The following USP54 variants were observed in gnomAD, a reference collection of about 807,000 sequenced individuals.
USP54 encodes the protein ubiquitin specific peptidase 54.
In USP54, 87 loss-of-function variants were observed where a neutral mutation model predicts 170.5. The ratio of observed to expected loss-of-function variants is 0.51; its 90% CI spans 0.43 to 0.61. The LOEUF (loss-of-function observed/expected upper bound fraction) is 0.61. Among genes scored for constraint, USP54 ranks in the 20% least tolerant of loss-of-function variants. The probability of loss-of-function intolerance (pLI) is 0.00; values close to 1 mark genes in which losing one functional copy is unlikely to be tolerated. For missense variants in USP54, 1,786 were observed against 2,047.8 expected, an observed-to-expected ratio of 0.87 and a Z score of 2.47; for synonymous variants, 655 against 742.8, an observed-to-expected ratio of 0.88 and a Z score of 1.92.
In USP54 at chr10:73,523,605, G is replaced by A. The variant is rs761440120; in HGVS notation, c.2340C>T (p.Asp780=). The A allele has an allele frequency of 6.2e-7, 1 of 1,608,072 alleles. No individual in the cohort carries two copies. Among genetic ancestry groups the A allele is most frequent in the South Asian group, 1.1e-5 (1 of 90,254 alleles). Residue 780 remains aspartate, a synonymous_variant, in exon 17 of 24, where the codon GAC becomes GAT. Coordinates refer to ENST00000687698, the MANE Select transcript of USP54 (RefSeq NM_001391956.1). ...TACCCTGATTCTGCAGTTCATCCAA[G>A]TCCATGAAGCGGCTAGGATGAGGGT... ...GFNPHPSRFM[D]LDELQNQGRS...
chr10:73,535,742 C>T (rs978082488), intron 11 of USP54, among the ~76,000 whole-genome samples: 3 of 152,146 alleles, frequency 2.0e-5, no homozygotes, highest in Admixed American at 6.6e-5. Flanking sequence ...CAGAGTCTTG[C>T]TATTTTGCCC....
intron 1 of USP54, among the ~76,000 whole-genome samples, chr10:73,624,194 A>G (rs1263640152): frequency 1.9e-5 from 2 of 106,204 alleles, no homozygotes; most frequent in African/African-American, 7.6e-5. Flanking sequence ...ATATATATAT[A>G]TGTATTTTTT....
In USP54 at chr10:73,517,674, C is replaced by A; in HGVS notation, c.2752G>T (p.Gly918Trp). 1 of 1,614,194 alleles carries A rather than the reference C, an allele frequency of 6.2e-7. No individual in the cohort carries two copies. The highest frequency in any genetic ancestry group is 2.2e-5 in the East Asian group (1 of 44,886). Reference sequence around the variant, plus strand: ...GGTGAATGGAAGAAAGAACTGGCCCCAAACTCTGTATCCATGCCGGATTCC... The same window carrying A: ...GGTGAATGGAAGAAAGAACTGGCCCAAAACTCTGTATCCATGCCGGATTCC... ...QLESGMDTEFGASSFFHSPAS... is the reference protein window; with the variant it reads ...QLESGMDTEFWASSFFHSPAS... The change falls in exon 20 of 24, where the codon GGG becomes TGG. Residue 918 changes from glycine to tryptophan, a missense_variant. Physicochemically the swap from Gly to Trp is radical, Grantham distance 184. Around this residue, in one of 3 missense-constraint regions of USP54, gnomAD observed 1,418 missense variants for 1,569.0 expected, o/e 0.90. Transcript: ENST00000687698.
intron 1 of USP54, among the ~76,000 whole-genome samples, chr10:73,590,997 A>G (rs950269366): frequency 2.0e-5 from 3 of 149,484 alleles, no homozygotes; most frequent in Non-Finnish European, 4.4e-5. Flanking sequence ...AAGAAAATCT[A>G]TGAATTTTTT....
intron 4 of USP54, 53 bp downstream of exon 4, chr10:73,571,368 T>C: frequency 6.8e-7 from 1 of 1,460,290 alleles, no homozygotes; most frequent in Non-Finnish European, 9.6e-7. Flanking sequence ...ACCTTGATAT[T>C]GACCATTTGG....
intron 22 of USP54, 58 bp from the exon 23 acceptor site, chr10:73,500,896 T>A: frequency 6.5e-7 from 1 of 1,538,928 alleles, no homozygotes; most frequent in Non-Finnish European, 8.7e-7. Context: ...AAGCAGGATG[T>A]AGTTGGGTAA....
At chr10:73,608,221 C>T (rs1589396466) in intron 1 of USP54, among the ~76,000 whole-genome samples, 1 of 151,902 alleles carries the variant, frequency 6.6e-6, no homozygotes, top group East Asian at 1.9e-4. Context: ...GTTCATGACA[C>T]CGCACTCCAG....
chr10:73,558,015 TG>T (rs894145361), intron 4 of USP54, among the ~76,000 whole-genome samples: 2 of 151,114 alleles, frequency 1.3e-5, no homozygotes, highest in Non-Finnish European at 2.9e-5. Context: ...CCTGAGTAGC[TG>T]GAACTACAGG....
rs1466103199 is a variant in USP54, at chr10:73,500,718, G to A, written c.4432C>T (p.Pro1478Ser). 2.5e-6 allele frequency: 4 copies of A among 1,607,578 alleles called. No homozygotes were observed. In the South Asian group the frequency reaches 4.4e-5, roughly 18 times the overall value. Residue 1478 changes from proline (P) to serine (S), a missense_variant, in exon 23 of 24, where the codon CCA (proline) becomes TCA (serine). Around this residue, in one of 3 missense-constraint regions of USP54, gnomAD observed 1,418 missense variants for 1,569.0 expected, o/e 0.90. Transcript: ENST00000687698. ...LLGPQLYLPQPQFLSPDVLMP... is the reference protein window; with the variant it reads ...LLGPQLYLPQSQFLSPDVLMP... ...AGGACATCTGGGGACAGGAACTGTG[G>A]TTGGGGAAGGTAGAGTTGGGGACCG...
At chr10:73,545,492 C>T (rs1197857063) in intron 5 of USP54, 46 bp downstream of exon 5, 3 of 1,604,590 alleles carry the variant, frequency 1.9e-6, no homozygotes. Context: ...TGGAGACCAT[C>T]AGCAGTCCCA....
chr10:73,610,721 C>A (rs1208166185), intron 1 of USP54, among the ~76,000 whole-genome samples: 1 of 151,974 alleles, frequency 6.6e-6, no homozygotes, highest in African/African-American at 2.4e-5. Context: ...ACACAGGTCA[C>A]AATAAAACAA....
chr10:73,583,120 T>C (rs555681510), intron 1 of USP54, among the ~76,000 whole-genome samples: 1 of 152,134 alleles, frequency 6.6e-6, no homozygotes, highest in South Asian at 2.1e-4. Context: ...TCTACAAAAA[T>C]GTCAAGGTTA....
At chr10:73,585,498 C>T (rs2077373953) in intron 1 of USP54, among the ~76,000 whole-genome samples, 1 of 152,132 alleles carries the variant, frequency 6.6e-6, no homozygotes, top group Non-Finnish European at 1.5e-5. Context: ...CTCAGGCTCT[C>T]TTAAACAACC....
chr10:73,502,535 A>G (rs144040942), intron 22 of USP54, among the ~76,000 whole-genome samples: 7,549 of 151,642 alleles, frequency 0.05, 572 homozygotes, highest in African/African-American at 0.16. Context: ...GGATGGTCTC[A>G]ATCTCCTGAC....
At position 73,499,026 on chromosome 10, in the gene USP54, C is replaced by G. The variant is rs1564587946; in HGVS notation, c.4658G>C (p.Gly1553Ala). The change falls in exon 24 of 24, where the codon GGG becomes GCG. Residue 1553 changes from glycine (G) to alanine (A), a missense_variant. By Grantham distance (60) the Gly-to-Ala change is moderately conservative. Transcript: ENST00000687698. ...CCCTGGAGTAGTCAGGAATCTGGTC[C>G]CAATATGCTGGTTGGTCTCTGACCA... ...APWSETNQHI[G>A]TRFLTTPGCN... The G allele has an allele frequency of 1.9e-6, 3 of 1,614,042 alleles. No homozygotes were observed. Among genetic ancestry groups the G allele is most frequent in the Non-Finnish European group, 2.5e-6 (3 of 1,180,014 alleles).
chr10:73,558,880 C>T (rs573261628), intron 4 of USP54, among the ~76,000 whole-genome samples: 51 of 152,274 alleles, frequency 3.3e-4, no homozygotes, highest in African/African-American at 1.2e-3. Flanking sequence ...AATATTAATA[C>T]ATAGACTACT....
chr10:73,599,552 A>G (rs1490981945), intron 1 of USP54, among the ~76,000 whole-genome samples: 1 of 152,186 alleles, frequency 6.6e-6, no homozygotes, highest in Non-Finnish European at 1.5e-5. Context: ...TCTCAAAGAC[A>G]GTGGCTCTGA....
At chr10:73,564,249 C>T (rs1344738095) in intron 4 of USP54, among the ~76,000 whole-genome samples, 1 of 152,194 alleles carries the variant, frequency 6.6e-6, no homozygotes, top group African/African-American at 2.4e-5. Context: ...GATCCTCCCA[C>T]CTTGGCCTCC....
rs1365723377 is a variant in USP54 at position 73,523,673 on chromosome 10, G to A, written c.2272C>T (p.Arg758Ter). Residue 758 changes from arginine (R) to a stop codon, truncating the protein, a stop_gained, in exon 17 of 24, where the codon CGA becomes TGA. Coordinates refer to ENST00000687698, the MANE Select transcript of USP54 (RefSeq NM_001391956.1). LOFTEE classifies it high-confidence loss of function. ...TCTAACTCCTTCTCCCGTTTTCTTC[G>A]AAGTTCCTGTTCCTGCGCCCTCCTG... ...VARRAQEQEL[R>*]RKREKELEAA... The A allele has an allele frequency of 4.3e-6, 7 of 1,613,800 alleles. No homozygotes were observed. Among genetic ancestry groups the A allele is most frequent in the South Asian group, 1.1e-5 (1 of 91,068 alleles).
Sources: allele counts gnomAD v4.1 joint callset (sites outside exome capture counted in the v4.1 genomes callset), GRCh38; gene constraint gnomAD v4.1.1; regional missense constraint gnomAD v4.1.1; transcripts MANE v1.5; gene names NCBI Gene and HGNC (gene_info 2026-07-23, HGNC 2026-07-21).